Variants in ETV1 observed in about 807,000 individuals in gnomAD.
ETV1 encodes the protein ETS translocation variant 1.
A neutral mutation model predicts 62.3 loss-of-function variants in ETV1; 27 were observed. The ratio of observed to expected loss-of-function variants is 0.43; its 90% CI spans 0.32 to 0.60. ETV1 has a LOEUF of 0.60. Ranked by LOEUF, ETV1 falls within the 20% of genes least tolerant of loss-of-function variation. The pLI, the probability that ETV1 is intolerant of heterozygous loss-of-function variation, is 0.06. For missense variants in ETV1, 605 were observed against 605.8 expected (o/e 1.00, Z 0.01); for synonymous variants, 222 against 199.6 (o/e 1.11, Z -0.94).
chr7:13,906,936 C>T (rs908200320), intron 11 of ETV1, among the ~76,000 whole-genome samples: 2 of 151,772 alleles, frequency 1.3e-5, no homozygotes, highest in Non-Finnish European at 2.9e-5. Flanking sequence ...TCTAATCAGA[C>T]TTCTTTGCTT....
intron 6 of ETV1, among the ~76,000 whole-genome samples, chr7:13,954,562 T>C (rs1243961399): frequency 6.6e-6 from 1 of 152,236 alleles, no homozygotes; most frequent in East Asian, 1.9e-4. Flanking sequence ...GATCCTATAT[T>C]GTTTGAAAAA....
At chr7:13,940,361 CA>C (rs776017052) in intron 6 of ETV1, among the ~76,000 whole-genome samples, 11 of 78,978 alleles carry the variant, frequency 1.4e-4, no homozygotes, top group African/African-American at 2.0e-4. Context: ...GACTCCACCT[CA>C]AAAAAAAAAG....
In ETV1 at chr7:13,900,842, G is replaced by A. The variant is rs756849441; in HGVS notation, c.1111-3C>T. On this transcript the variant is annotated splice_polypyrimidine_tract_variant and splice_region_variant and intron_variant, in intron 12 of 13. Coordinates refer to ENST00000430479, the MANE Select transcript of ETV1 (RefSeq NM_004956.5). ...TGAATGCCCCAACGTCGGGCCACCTGCCGCGAAACAGAATTACATTGTAGT... is the reference window on the plus strand; with the variant it reads ...TGAATGCCCCAACGTCGGGCCACCTACCGCGAAACAGAATTACATTGTAGT... 1.3e-6 allele frequency: 2 copies of A among 1,592,182 alleles called. No individual in the cohort carries two copies.
chr7:13,952,571 G>A (rs934215634), intron 6 of ETV1, among the ~76,000 whole-genome samples: 1 of 152,148 alleles, frequency 6.6e-6, no homozygotes, highest in African/African-American at 2.4e-5. Context: ...GGTACATAAT[G>A]CACGTTAGAA....
intron 6 of ETV1, among the ~76,000 whole-genome samples, chr7:13,963,912 C>A (rs1790473155): frequency 1.3e-5 from 2 of 152,132 alleles, no homozygotes; most frequent in African/African-American, 4.8e-5. Flanking sequence ...ATGCAACAGC[C>A]TTTAATCTGC....
chr7:13,962,388 T>C (rs1393752724), intron 6 of ETV1, among the ~76,000 whole-genome samples: 1 of 152,040 alleles, frequency 6.6e-6, no homozygotes, highest in Non-Finnish European at 1.5e-5. Flanking sequence ...TCTTATACAG[T>C]ACAATGTACT....
chr7:13,895,687 A>C lies in ETV1; in HGVS notation c.*179T>G, dbSNP rs980762714. 6 of 584,744 alleles carry C rather than the reference A, an allele frequency of 1.0e-5. No individual in the cohort carries two copies. The highest frequency in any genetic ancestry group is 1.9e-5 in the African/African-American group (1 of 53,802). 36.2% of individuals were successfully genotyped at this position (584,744 alleles called of 1,614,324 possible). A position where few individuals can be genotyped will look rare whatever the true frequency, so the allele number is the denominator to read the frequency against. On this transcript the variant is annotated 3_prime_UTR_variant, in exon 14 of 14. Transcript: ENST00000430479. ...TTTAGATTACTCCCACCCACCCTCA[A>C]ATAAAGTGCACAGTCCATGGCAGAC...
chr7:13,954,251 C>T (rs1347999377), intron 6 of ETV1, among the ~76,000 whole-genome samples: 1 of 152,174 alleles, frequency 6.6e-6, no homozygotes, highest in East Asian at 1.9e-4. Context: ...GATGCAAATA[C>T]TTGCTTAAAT....
Position 13,906,587 on chromosome 7 carries a change from T to C in ETV1, c.953A>G (p.Gln318Arg), listed in dbSNP as rs775881552. The stretch of plus-strand genomic sequence containing the variant: ...TCCTTCCCGATACATTCCTGGCTCT[T>C]GTTTGATGTCTCCTAAATTAAAACA... ...VPEKFDGDIK[Q>R]EPGMYREGPT... is the part of the protein sequence containing the mutation. Residue 318 changes from glutamine (Q) to arginine (R), a missense_variant, in exon 12 of 14, where the codon CAA (glutamine) becomes CGA (arginine). This residue lies in a region of ETV1 where 100 missense variants were observed against 156.4 expected (regional missense o/e 0.64). Coordinates refer to ENST00000430479, the MANE Select transcript of ETV1 (RefSeq NM_004956.5). 3.1e-6 allele frequency: 5 copies of C among 1,605,732 alleles called. No homozygotes were observed. In the South Asian group the frequency reaches 3.4e-5, roughly 11 times the overall value.
intron 9 of ETV1, among the ~76,000 whole-genome samples, chr7:13,920,896 T>G (rs1784770833): frequency 1.3e-5 from 2 of 152,176 alleles, no homozygotes; most frequent in African/African-American, 4.8e-5. Flanking sequence ...GTGAGGCCAA[T>G]CTATGACCTC....
At chr7:13,921,792 A>C (rs900542629) in intron 9 of ETV1, among the ~76,000 whole-genome samples, 2 of 152,192 alleles carry the variant, frequency 1.3e-5, no homozygotes, top group African/African-American at 2.4e-5. Context: ...AGATGAACCC[A>C]CCATTCAGAA....
chr7:13,972,424 C>G (rs1328261455), intron 6 of ETV1, among the ~76,000 whole-genome samples: 1 of 151,978 alleles, frequency 6.6e-6, no homozygotes, highest in Admixed American at 6.6e-5. Flanking sequence ...CAAGTGAGAC[C>G]CTGTCTCAGA....
chr7:13,935,166 C>G (rs558421756), intron 8 of ETV1, among the ~76,000 whole-genome samples: 21 of 152,194 alleles, frequency 1.4e-4, no homozygotes, highest in Non-Finnish European at 2.4e-4. Context: ...GAGTCTCTAT[C>G]TCTTTAATTG....
intron 6 of ETV1, among the ~76,000 whole-genome samples, chr7:13,951,455 TAG>T (rs1318235877): frequency 1.3e-5 from 2 of 152,188 alleles, no homozygotes; most frequent in Non-Finnish European, 2.9e-5. Flanking sequence ...ACCTGCCTCA[TAG>T]AGTTTCCGAT....
intron 7 of ETV1, among the ~76,000 whole-genome samples, chr7:13,936,709 AT>A (rs1786841610): frequency 6.6e-6 from 1 of 152,018 alleles, no homozygotes; most frequent in Admixed American, 6.6e-5. Context: ...ATTTTCTTAA[AT>A]TTTTTTTAAC....
At chr7:13,938,874 G>T (rs1050890309) in intron 7 of ETV1, among the ~76,000 whole-genome samples, 2 of 152,052 alleles carry the variant, frequency 1.3e-5, no homozygotes, top group Non-Finnish European at 2.9e-5. Flanking sequence ...TCAAACCCAA[G>T]ATGCATCACT....
In ETV1 at chr7:13,935,831, G is replaced by C; in HGVS notation, c.431C>G (p.Pro144Arg). The C allele has an allele frequency of 6.2e-7, 1 of 1,613,944 alleles. No individual in the cohort carries two copies. Among genetic ancestry groups the C allele is most frequent in the Non-Finnish European group, 8.5e-7 (1 of 1,179,874 alleles). The stretch of plus-strand genomic sequence containing the variant: ...AGATGCATGATGCAGTGGGGACACT[G>C]GCGTGCTGGATGGTGTGGGGGGGTT... ...PSNPPTPSSTPVSPLHHASPN... is the reference protein window; with the variant it reads ...PSNPPTPSSTRVSPLHHASPN... The change falls in exon 8 of 14, where the codon CCA becomes CGA. Residue 144 changes from proline to arginine, a missense_variant. Physicochemically the swap from Pro to Arg is moderately radical, Grantham distance 103. Coordinates refer to ENST00000430479, the MANE Select transcript of ETV1 (RefSeq NM_004956.5).
intron 9 of ETV1, among the ~76,000 whole-genome samples, chr7:13,926,882 T>G (rs906942366): frequency 6.6e-6 from 1 of 152,158 alleles, no homozygotes. Context: ...ATTTATACTC[T>G]ACTAACATAC....
At chr7:13,973,801 A>T (rs943525323) in intron 6 of ETV1, among the ~76,000 whole-genome samples, 5 of 152,216 alleles carry the variant, frequency 3.3e-5, no homozygotes, top group Admixed American at 3.3e-4. Flanking sequence ...AATTCTGAAA[A>T]TATTTGGTTA....
Sources: gnomAD v4.1 joint callset for allele counts (sites outside exome capture counted in the v4.1 genomes callset) on GRCh38, gnomAD v4.1.1 for gene constraint, gnomAD v4.1.1 regional missense constraint, MANE v1.5 for transcripts, NCBI Gene and HGNC (gene_info 2026-07-23, HGNC 2026-07-21) for gene names.